DHRS3: variants seen among roughly 807,000 people sequenced by gnomAD.
The protein encoded by DHRS3 is dehydrogenase/reductase 3.
In DHRS3, 14 loss-of-function variants were observed where a neutral mutation model predicts 27.2. The ratio of observed to expected loss-of-function variants is 0.52; its 90% CI spans 0.34 to 0.81. The LOEUF (loss-of-function observed/expected upper bound fraction) is 0.81, where lower values mean the gene tolerates loss of function less well. Among genes scored for constraint, DHRS3 ranks in the 30% least tolerant of loss-of-function variants. The probability of loss-of-function intolerance (pLI) is 0.01; values close to 1 mark genes in which losing one functional copy is unlikely to be tolerated. For synonymous variants in DHRS3, 165 were observed against 175.9 expected (o/e 0.94, Z 0.49); for missense variants, 322 against 406.2 (o/e 0.79, Z 1.78).
rs546837431 is a variant in DHRS3, at chr1:12,585,917, C to T, written c.196-5251G>A. On this transcript the variant is annotated intron_variant, in intron 1 of 5. Coordinates refer to ENST00000616661, the MANE Select transcript of DHRS3 (RefSeq NM_004753.7). ...TGCCTCTTAGTGAACTCGGGACAGGCAGCAGCTGGGAAGGCCAGAGGCCTG... is the reference window on the plus strand; with the variant it reads ...TGCCTCTTAGTGAACTCGGGACAGGTAGCAGCTGGGAAGGCCAGAGGCCTG... Among the ~76,000 whole-genome samples, 3 of 152,330 alleles carry T rather than the reference C, an allele frequency of 2.0e-5. No homozygotes were observed. In the South Asian group the frequency reaches 6.2e-4, roughly 32 times the overall value.
At chr1:12,580,469 C>G (rs757926421) in intron 2 of DHRS3, 54 bp downstream of exon 2, 7 of 1,612,674 alleles carry the variant, frequency 4.3e-6, no homozygotes, top group African/African-American at 1.3e-5. Context: ...TCTCTTTGCC[C>G]GGAATTAGCC....
At chr1:12,602,531 T>A (rs1490941866) in intron 1 of DHRS3, among the ~76,000 whole-genome samples, 3 of 152,210 alleles carry the variant, frequency 2.0e-5, no homozygotes, top group East Asian at 1.9e-4. Flanking sequence ...TTTTGCCTTT[T>A]TTCTCTGATG....
chr1:12,612,095 G>A (rs1003801601), intron 1 of DHRS3, among the ~76,000 whole-genome samples: 13 of 152,114 alleles, frequency 8.5e-5, no homozygotes, highest in African/African-American at 2.9e-4. Context: ...CATGAGACAG[G>A]CTCATTTGTA....
chr1:12,616,512 G>A (rs993675298), intron 1 of DHRS3: 2 of 971,354 alleles, frequency 2.1e-6, no homozygotes, highest in African/African-American at 3.5e-5. Context: ...GGGGGGAGGG[G>A]ACAGGGTTGA....
At chr1:12,615,599 C>T (rs1646939306) in intron 1 of DHRS3, among the ~76,000 whole-genome samples, 1 of 152,082 alleles carries the variant, frequency 6.6e-6, no homozygotes, top group Non-Finnish European at 1.5e-5. Flanking sequence ...TAAAAGAGAC[C>T]CAGGACTTGG....
chr1:12,616,582 T>C (rs1646945942), intron 1 of DHRS3: 2 of 986,264 alleles, frequency 2.0e-6, no homozygotes, highest in Non-Finnish European at 2.4e-6. Flanking sequence ...TTTCCTGCTT[T>C]CCAAACACCT....
At chr1:12,577,010 C>T (rs1486009377) in intron 4 of DHRS3, among the ~76,000 whole-genome samples, 1 of 151,620 alleles carries the variant, frequency 6.6e-6, no homozygotes, top group Non-Finnish European at 1.5e-5. Flanking sequence ...CGCACTGTCC[C>T]GATTAATAGT....
chr1:12,610,169 C>T (rs945763449), intron 1 of DHRS3, among the ~76,000 whole-genome samples: 3 of 152,148 alleles, frequency 2.0e-5, no homozygotes, highest in Non-Finnish European at 4.4e-5. Context: ...ACCTCCGCCT[C>T]CCAGGTTCAA....
At chr1:12,601,032 G>A (rs1646832587) in intron 1 of DHRS3, among the ~76,000 whole-genome samples, 1 of 152,090 alleles carries the variant, frequency 6.6e-6, no homozygotes, top group Non-Finnish European at 1.5e-5. Context: ...ACCTGATAAG[G>A]TCTGCAGGAT....
At chr1:12,598,109 G>A (rs1403911125) in intron 1 of DHRS3, among the ~76,000 whole-genome samples, 2 of 152,204 alleles carry the variant, frequency 1.3e-5, no homozygotes, top group Non-Finnish European at 1.5e-5. Context: ...AAAGTTGCCC[G>A]CACATCCAGT....
At chr1:12,568,480 G>A (rs1646504705) in intron 5 of DHRS3, 56 bp from the exon 6 acceptor site, 4 of 1,551,542 alleles carry the variant, frequency 2.6e-6, no homozygotes, top group Non-Finnish European at 8.9e-7. Context: ...GGATCCAGGG[G>A]CTGGGTCGCT....
chr1:12,569,973 A>G (rs1646521583), intron 5 of DHRS3: 1 of 152,234 alleles, frequency 6.6e-6, no homozygotes, highest in Non-Finnish European at 1.5e-5. Flanking sequence ...CCCATTAAAA[A>G]CAAATGATGG....
At chr1:12,610,948 T>C (rs117746778) in intron 1 of DHRS3, among the ~76,000 whole-genome samples, 1 of 152,160 alleles carries the variant, frequency 6.6e-6, no homozygotes, top group East Asian at 1.9e-4. Context: ...AAAACTGTGG[T>C]AGGATATCGC....
intron 1 of DHRS3, among the ~76,000 whole-genome samples, chr1:12,610,441 C>T (rs1470369643): frequency 1.3e-5 from 2 of 152,174 alleles, no homozygotes; most frequent in African/African-American, 2.4e-5. Flanking sequence ...GCTCTCACTA[C>T]ATGGGTGGGG....
At chr1:12,579,231 C>A (rs772615347) in intron 3 of DHRS3, 62 bp downstream of exon 3, 15 of 1,612,866 alleles carry the variant, frequency 9.3e-6, no homozygotes, top group Non-Finnish European at 1.3e-5. Flanking sequence ...CATCCCCTCC[C>A]CTCCATCCTG....
chr1:12,602,603 G>A (rs1242672047), intron 1 of DHRS3, among the ~76,000 whole-genome samples: 4 of 152,136 alleles, frequency 2.6e-5, no homozygotes, highest in African/African-American at 9.7e-5. Flanking sequence ...GGTATCCACC[G>A]CCCCCCACCC....
At chr1:12,617,124 C>T (rs1646949576) in intron 1 of DHRS3, 30 bp downstream of exon 1, 12 of 1,595,882 alleles carry the variant, frequency 7.5e-6, no homozygotes, top group African/African-American at 4.0e-5. Flanking sequence ...CCTGCGGCCC[C>T]CCACTCCCTG....
rs1244729737 is a variant in DHRS3, at chr1:12,586,460, C to T, written c.196-5794G>A. On this transcript the variant is annotated intron_variant, in intron 1 of 5. Coordinates refer to ENST00000616661, the MANE Select transcript of DHRS3 (RefSeq NM_004753.7). The surrounding 1 kb of genome is among the most constrained non-coding windows in gnomAD (Gnocchi z 5.0). ...TCTCCTCCAATGTCCACAACAGCCC[C>T]GTCCATCCAGCACCACACGGACAGC... 3.3e-5 allele frequency among the ~76,000 whole-genome samples: 5 copies of T among 151,708 alleles called. No individual in the cohort carries two copies. The highest frequency in any genetic ancestry group is 4.8e-5 in the African/African-American group (2 of 41,256).
chr1:12,600,138 T>A (rs1646825143), intron 1 of DHRS3, among the ~76,000 whole-genome samples: 1 of 152,160 alleles, frequency 6.6e-6, no homozygotes. Context: ...GGTTGACTCC[T>A]GAACTCAAAA....
Sources: gnomAD v4.1 joint callset for allele counts (sites outside exome capture counted in the v4.1 genomes callset) on GRCh38, gnomAD v4.1.1 for gene constraint, Gnocchi (gnomAD v3.1) non-coding constraint, MANE v1.5 for transcripts, NCBI Gene and HGNC (gene_info 2026-07-23, HGNC 2026-07-21) for gene names.